SEMA3A: variants seen among roughly 807,000 people sequenced by gnomAD.
SEMA3A encodes semaphorin 3A.
Under a neutral mutation model 97.9 loss-of-function variants are expected in SEMA3A, and 29 were observed. The ratio of observed to expected loss-of-function variants is 0.30; its 90% CI spans 0.22 to 0.40. The LOEUF (loss-of-function observed/expected upper bound fraction) is 0.40, where lower values mean the gene tolerates loss of function less well. SEMA3A is among the 10% of genes least tolerant of loss of function. SEMA3A has a pLI of 1.00. For missense variants in SEMA3A, 763 were observed against 951.3 expected, an observed-to-expected ratio of 0.80 and a Z score of 2.60; for synonymous variants, 321 against 323.7, an observed-to-expected ratio of 0.99 and a Z score of 0.09.
chr7:84,262,346 C>T (rs1455001945), intron 3 of SEMA3A, among the ~76,000 whole-genome samples: 1 of 152,134 alleles, frequency 6.6e-6, no homozygotes, highest in Non-Finnish European at 1.5e-5. Flanking sequence ...TCTCAAGTAG[C>T]TGGGATTACA....
chr7:84,002,587 T>G (rs991169601), intron 11 of SEMA3A, among the ~76,000 whole-genome samples: 10 of 152,206 alleles, frequency 6.6e-5, no homozygotes, highest in Non-Finnish European at 1.5e-5. Flanking sequence ...CTGCTCTTCT[T>G]GTCATCTAAA....
chr7:84,184,985 C>T (rs1484787844), intron 1 of SEMA3A, among the ~76,000 whole-genome samples: 1 of 152,086 alleles, frequency 6.6e-6, no homozygotes, highest in East Asian at 1.9e-4. Context: ...TAAGACCTGA[C>T]ACAAAGCAAA....
intron 2 of SEMA3A, among the ~76,000 whole-genome samples, chr7:84,339,506 T>C (rs1334151399): frequency 6.6e-6 from 1 of 152,168 alleles, no homozygotes; most frequent in African/African-American, 2.4e-5. Context: ...GGTTTGGCAC[T>C]CATTTTCATA....
At chr7:84,150,394 G>A (rs1297395056) in intron 1 of SEMA3A, among the ~76,000 whole-genome samples, 2 of 152,184 alleles carry the variant, frequency 1.3e-5, no homozygotes, top group Non-Finnish European at 2.9e-5. Context: ...CACTGTGCGC[G>A]AGCCGAAGCA....
intron 1 of SEMA3A, among the ~76,000 whole-genome samples, chr7:84,383,741 T>C (rs904334368): frequency 1.3e-5 from 2 of 152,172 alleles, no homozygotes; most frequent in Non-Finnish European, 2.9e-5. Context: ...TATTATTCAA[T>C]GCGTTTGTAG....
chr7:84,322,839 C>T (rs932120682), intron 2 of SEMA3A, among the ~76,000 whole-genome samples: 3 of 152,066 alleles, frequency 2.0e-5, no homozygotes, highest in African/African-American at 4.8e-5. Flanking sequence ...GTTTAAAGTC[C>T]ATACAGGCTT....
At position 84,420,002 on chromosome 7, in the gene SEMA3A, G is replaced by C. The variant is rs753529823; in HGVS notation, c.-245-48102C>G. Among the ~76,000 whole-genome samples the C allele has an allele frequency of 4.6e-5, 7 of 152,230 alleles. No homozygotes were observed. The South Asian group carries it at 1.5e-3, about 32-fold the overall frequency. Reference sequence around the variant, plus strand: ...AACTGACAGTTAAATGACCATAAGTGACACTGAATACAATCTTTGCAAAAA... The same window carrying C: ...AACTGACAGTTAAATGACCATAAGTCACACTGAATACAATCTTTGCAAAAA... On this transcript the variant is annotated intron_variant, in intron 1 of 3. Coordinates refer to the SEMA3A transcript ENST00000424555.
intron 4 of SEMA3A, among the ~76,000 whole-genome samples, chr7:84,061,085 G>A (rs553112797): frequency 2.6e-5 from 4 of 152,226 alleles, no homozygotes; most frequent in African/African-American, 7.2e-5. Context: ...TGGTGGCTAC[G>A]TGCTTCTTGT....
intron 4 of SEMA3A, among the ~76,000 whole-genome samples, chr7:84,090,270 T>C (rs558851609): frequency 4.6e-5 from 7 of 152,268 alleles, no homozygotes; most frequent in East Asian, 1.9e-4. Flanking sequence ...TAATATTACA[T>C]AGGAAAAATC....
At chr7:83,988,212 TTTGTTG>T (rs890681375) in intron 12 of SEMA3A, among the ~76,000 whole-genome samples, 16 of 152,080 alleles carry the variant, frequency 1.1e-4, no homozygotes, top group Admixed American at 3.3e-4. Context: ...CTCTTGTGTT[TTTGTTG>T]TTGTTGTTGT....
chr7:83,982,591 GA>G (rs1789459800), intron 13 of SEMA3A, among the ~76,000 whole-genome samples: 1 of 152,058 alleles, frequency 6.6e-6, no homozygotes, highest in Admixed American at 6.6e-5. Flanking sequence ...CATAAATACT[GA>G]AACATGTAAT....
chr7:84,362,708 G>C (rs568973), intron 2 of SEMA3A, among the ~76,000 whole-genome samples: 43,623 of 151,798 alleles, frequency 0.29, 6,747 homozygotes, highest in African/African-American at 0.38. Flanking sequence ...GGAACTCCAG[G>C]ATTTTTACTG....
intron 1 of SEMA3A, among the ~76,000 whole-genome samples, chr7:84,442,600 A>G (rs1805299981): frequency 6.6e-6 from 1 of 152,140 alleles, no homozygotes; most frequent in Admixed American, 6.5e-5. Flanking sequence ...GTAAAATAGC[A>G]GAAATCTTTC....
chr7:84,469,435 T>C (rs1806089826), intron 1 of SEMA3A, among the ~76,000 whole-genome samples: 1 of 152,158 alleles, frequency 6.6e-6, no homozygotes, highest in Non-Finnish European at 1.5e-5. Flanking sequence ...TAGCTTAAGG[T>C]ATAGTGTAAT....
chr7:84,474,805 T>C (rs1562959375), intron 1 of SEMA3A, among the ~76,000 whole-genome samples: 2 of 151,894 alleles, frequency 1.3e-5, no homozygotes, highest in Non-Finnish European at 2.9e-5. Flanking sequence ...ACAGTAAAAA[T>C]GGAGAGAAAA....
chr7:84,133,836 A>T (rs1796035101), intron 2 of SEMA3A, among the ~76,000 whole-genome samples: 1 of 146,504 alleles, frequency 6.8e-6, no homozygotes, highest in Non-Finnish European at 1.5e-5. Flanking sequence ...GGATCACTTG[A>T]TCAGGAGATC....
At chr7:84,093,836 G>T (rs1265052122) in intron 4 of SEMA3A, among the ~76,000 whole-genome samples, 1 of 151,910 alleles carries the variant, frequency 6.6e-6, no homozygotes, top group African/African-American at 2.4e-5. Context: ...GCGAAGGCAT[G>T]CTGGGCTTAA....
At chr7:84,267,082 A>G (rs1800025242) in intron 3 of SEMA3A, among the ~76,000 whole-genome samples, 1 of 152,180 alleles carries the variant, frequency 6.6e-6, no homozygotes, top group Non-Finnish European at 1.5e-5. Context: ...CTCAAATCCA[A>G]AAATCCCAAA....
intron 1 of SEMA3A, among the ~76,000 whole-genome samples, chr7:84,442,776 A>C (rs561514799): frequency 6.6e-6 from 1 of 152,286 alleles, no homozygotes; most frequent in African/African-American, 2.4e-5. Context: ...GAAAGATTAT[A>C]AAAGGATATT....
Sources: allele counts gnomAD v4.1 joint callset (sites outside exome capture counted in the v4.1 genomes callset), GRCh38; gene constraint gnomAD v4.1.1; transcripts MANE v1.5; gene names NCBI Gene and HGNC (gene_info 2026-07-23, HGNC 2026-07-21).